Variants in CCDC88A observed in about 807,000 individuals in gnomAD.
The protein encoded by CCDC88A is coiled-coil and HOOK domain protein 88A.
CCDC88A carries 54 observed loss-of-function variants against 234.3 expected under a neutral mutation model. That is an observed-to-expected ratio of 0.23 (90% CI 0.19 to 0.29). The LOEUF (loss-of-function observed/expected upper bound fraction) is 0.29, where lower values mean the gene tolerates loss of function less well. Ranked by LOEUF, CCDC88A falls within the 10% of genes least tolerant of loss-of-function variation. The pLI is 1.00. For missense variants in CCDC88A, 1,832 were observed against 2,123.4 expected, an observed-to-expected ratio of 0.86 and a Z score of 2.70; for synonymous variants, 753 against 737.8, an observed-to-expected ratio of 1.02 and a Z score of -0.33.
At position 55,373,119 on chromosome 2, in the gene CCDC88A, G is replaced by C. The variant is rs577867076; in HGVS notation, c.344-609C>G. Among the ~76,000 whole-genome samples, 9 of 152,230 alleles carry C rather than the reference G, an allele frequency of 5.9e-5. No individual in the cohort carries two copies. In the South Asian group the frequency reaches 1.7e-3, roughly 28 times the overall value. On this transcript the variant is annotated intron_variant, in intron 4 of 32. Coordinates refer to ENST00000436346, the MANE Select transcript of CCDC88A (RefSeq NM_001365480.1). ...TCCCTGTCCAACAGCATTCAACTAA[G>C]ATTTTCTTAAAATATTCAACTGGAA...
intron 12 of CCDC88A, among the ~76,000 whole-genome samples, chr2:55,340,662 CACT>C (rs1241484782): frequency 3.3e-5 from 5 of 152,044 alleles, no homozygotes; most frequent in Non-Finnish European, 7.4e-5. Context: ...TTTGAAAATA[CACT>C]ACTACTTATT....
intron 2 of CCDC88A, among the ~76,000 whole-genome samples, chr2:55,413,562 C>T (rs185333778): frequency 3.0e-4 from 45 of 152,250 alleles, no homozygotes; most frequent in African/African-American, 9.4e-4. Flanking sequence ...CTGTATTATT[C>T]AATCATTCAA....
Position 55,418,899 on chromosome 2 carries a change from A to G in CCDC88A, c.81T>C (p.Pro27=), listed in dbSNP as rs956375449. The change falls in exon 2 of 33, where the codon CCT becomes CCC. Residue 27 remains proline, a synonymous_variant. Transcript: ENST00000436346. ...GGTTGGTCCCATTTCCTGCGGCCAG[A>G]GGTCCAAACGTTTTAACCTAGAACA... ...PLVTWVKTFG[P]LAAGNGTNLD... The G allele has an allele frequency of 6.2e-7, 1 of 1,614,006 alleles. No individual in the cohort carries two copies. The highest frequency in any genetic ancestry group is 8.5e-7 in the Non-Finnish European group (1 of 1,179,966).
intron 2 of CCDC88A, among the ~76,000 whole-genome samples, chr2:55,399,038 T>C (rs369264876): frequency 3.1e-4 from 47 of 152,244 alleles, no homozygotes; most frequent in African/African-American, 1.1e-3. Flanking sequence ...TAAATACTGA[T>C]GACTGATTTA....
intron 28 of CCDC88A, 54 bp downstream of exon 28, chr2:55,301,152 G>C: frequency 9.5e-7 from 1 of 1,051,390 alleles, no homozygotes; most frequent in Admixed American, 1.9e-5. Context: ...AAGAGTCCTA[G>C]CATTCCCATT....
chr2:55,290,380 A>G lies in CCDC88A; in HGVS notation c.*820T>C, dbSNP rs1215060988. The G allele has an allele frequency of 6.6e-6, 1 of 152,080 alleles. No homozygotes were observed. Among genetic ancestry groups the G allele is most frequent in the Non-Finnish European group, 1.5e-5 (1 of 67,932 alleles). The allele number at this position is 152,080 out of a possible 1,614,324, so 9.4% of individuals were successfully genotyped here. A position where few individuals can be genotyped will look rare whatever the true frequency, so the allele number is the denominator to read the frequency against. ...GCATACATAACCCAATACCAAAGAA[A>G]AGAAATGAGTTAAAGCACAACAGCT... On this transcript the variant is annotated 3_prime_UTR_variant, in exon 33 of 33. Transcript: ENST00000436346.
intron 8 of CCDC88A, among the ~76,000 whole-genome samples, chr2:55,353,649 C>CAAAA (rs34022778): frequency 4.2e-4 from 32 of 77,044 alleles, no homozygotes; most frequent in Middle Eastern, 9.1e-3. Flanking sequence ...GAAACCAAAC[C>CAAAA]AAAAAAAAAA....
rs540543867 is a variant in CCDC88A, at chr2:55,396,360, A to G, written c.165-7474T>C. Among the ~76,000 whole-genome samples, 4 of 152,144 alleles carry G rather than the reference A, an allele frequency of 2.6e-5. No individual in the cohort carries two copies. The East Asian group carries it at 7.7e-4, about 29-fold the overall frequency. ...TTTATTTCTATTTTCTTTATTCTAC[A>G]TTTGAATCCCTTACATACCTCTCAT... On this transcript the variant is annotated intron_variant, in intron 2 of 32. Transcript: ENST00000436346.
chr2:55,394,430 C>A (rs1677173048), intron 2 of CCDC88A: 1 of 151,966 alleles, frequency 6.6e-6, no homozygotes, highest in South Asian at 2.1e-4. Flanking sequence ...GATTTATAAT[C>A]CTTTGGATAT....
intron 2 of CCDC88A, chr2:55,394,442 T>C (rs768839616): frequency 6.6e-6 from 1 of 152,178 alleles, no homozygotes; most frequent in Non-Finnish European, 1.5e-5. Flanking sequence ...TTTGGATATA[T>C]ACCCAGTAAT....
intron 2 of CCDC88A, among the ~76,000 whole-genome samples, chr2:55,416,575 T>C (rs1036370227): frequency 1.2e-4 from 18 of 147,774 alleles, no homozygotes; most frequent in African/African-American, 4.4e-4. Flanking sequence ...ACTCATTGAA[T>C]TCCAAGCACA....
chr2:55,302,115 A>C, intron 26 of CCDC88A, 43 bp from the exon 27 acceptor site: 1 of 1,447,370 alleles, frequency 6.9e-7, no homozygotes, highest in Non-Finnish European at 9.7e-7. Context: ...TGGTTAATGT[A>C]TTTGTTCTTA....
chr2:55,414,267 A>G lies in CCDC88A; in HGVS notation c.164+4549T>C, dbSNP rs1574533429. 2.6e-5 allele frequency among the ~76,000 whole-genome samples: 4 copies of G among 152,356 alleles called. No homozygotes were observed. The Middle Eastern group carries it at 0.014, about 518-fold the overall frequency. On this transcript the variant is annotated intron_variant, in intron 2 of 32. Coordinates refer to ENST00000436346, the MANE Select transcript of CCDC88A (RefSeq NM_001365480.1). ...TTTTAGGAGTATGAAATTAACTACA[A>G]TGTCACAAATTCCTTAAAAACTCAC...
At position 55,336,716 on chromosome 2, in the gene CCDC88A, T is replaced by C. The variant is rs1293073136; in HGVS notation, c.1621A>G (p.Thr541Ala). The C allele has an allele frequency of 1.9e-6, 3 of 1,599,372 alleles. No individual in the cohort carries two copies. The highest frequency in any genetic ancestry group is 2.7e-5 in the African/African-American group (2 of 74,248). The change falls in exon 14 of 33, where the codon ACA becomes GCA. Residue 541 changes from threonine (T) to alanine (A), a missense_variant. This residue lies in a region of CCDC88A where 1,282 missense variants were observed against 1,543.6 expected (regional missense o/e 0.83). Coordinates refer to ENST00000436346, the MANE Select transcript of CCDC88A (RefSeq NM_001365480.1). ...LMKEKAQLEK[T>A]IETLRENSER... The stretch of plus-strand genomic sequence containing the variant: ...GAATTTTCTCTCAGTGTTTCTATTG[T>C]TTTTTCAAGCTGAGCTTTCTCCTTC...
chr2:55,332,782 A>G lies in CCDC88A; in HGVS notation c.2728-89T>C. On this transcript the variant is annotated intron_variant, in intron 15 of 32. Transcript: ENST00000436346. The surrounding 1 kb of genome is among the most constrained non-coding windows in gnomAD (Gnocchi z 4.5). ...GCTAAGATTCTAATTACCACCATCTAGGAATACATGTAATTTGAACCAGGA... is the reference window on the plus strand; with the variant it reads ...GCTAAGATTCTAATTACCACCATCTGGGAATACATGTAATTTGAACCAGGA... The G allele has an allele frequency of 9.1e-7, 1 of 1,094,600 alleles. No homozygotes were observed. Among genetic ancestry groups the G allele is most frequent in the Non-Finnish European group, 1.3e-6 (1 of 741,576 alleles). The allele number at this position is 1,094,600 out of a possible 1,614,324, so 67.8% of individuals were successfully genotyped here. A position where few individuals can be genotyped will look rare whatever the true frequency, so the allele number is the denominator to read the frequency against.
intron 3 of CCDC88A, among the ~76,000 whole-genome samples, chr2:55,375,626 C>T (rs1673553837): frequency 1.3e-5 from 2 of 150,826 alleles, no homozygotes; most frequent in Admixed American, 6.6e-5. Context: ...CTCCTGGGTT[C>T]AAGCAATCCT....
intron 28 of CCDC88A, chr2:55,300,499 T>C (rs564884603): frequency 8.5e-5 from 13 of 152,496 alleles, no homozygotes; most frequent in Non-Finnish European, 1.6e-4. Flanking sequence ...TCTGAAATAC[T>C]CAACATTGCC....
intron 22 of CCDC88A, chr2:55,313,853 TTG>T: frequency 6.6e-6 from 1 of 152,248 alleles, no homozygotes. Context: ...TCATACTACG[TTG>T]GTTTTATTTA....
intron 2 of CCDC88A, among the ~76,000 whole-genome samples, chr2:55,391,259 C>T (rs1676593107): frequency 6.6e-6 from 1 of 152,156 alleles, no homozygotes; most frequent in Admixed American, 6.6e-5. Flanking sequence ...ACCCCACCCC[C>T]AACAAAACAA....
Sources: gnomAD v4.1 joint callset for allele counts (sites outside exome capture counted in the v4.1 genomes callset) on GRCh38, gnomAD v4.1.1 for gene constraint, gnomAD v4.1.1 regional missense constraint, Gnocchi (gnomAD v3.1) non-coding constraint, MANE v1.5 for transcripts, NCBI Gene and HGNC (gene_info 2026-07-23, HGNC 2026-07-21) for gene names.